The following TMEM117 variants were observed in gnomAD, a reference collection of about 807,000 sequenced individuals.
The protein encoded by TMEM117 is transmembrane protein 117.
TMEM117 carries 27 observed loss-of-function variants against 52.4 expected under a neutral mutation model. The ratio of observed to expected loss-of-function variants is 0.51; its 90% CI spans 0.38 to 0.71. The LOEUF (loss-of-function observed/expected upper bound fraction) is 0.71, where lower values mean the gene tolerates loss of function less well. Ranked by LOEUF, TMEM117 falls within the 30% of genes least tolerant of loss-of-function variation. The pLI is 0.00. For missense variants in TMEM117, 556 were observed against 630.5 expected (o/e 0.88, Z 1.26); for synonymous variants, 215 against 206.3 (o/e 1.04, Z -0.36).
the TMEM117 span, among the ~76,000 whole-genome samples, chr12:43,818,270 T>A: frequency 6.6e-6 from 1 of 152,190 alleles, no homozygotes; most frequent in South Asian, 2.1e-4. Context: ...AAAGTACATA[T>A]AAGTAAGTAC....
In TMEM117 at chr12:44,328,766, C is replaced by CA. The variant is rs1407904231; in HGVS notation, c.768+29034dup. Among the ~76,000 whole-genome samples the CA allele has an allele frequency of 2.0e-5, 3 of 151,786 alleles. No individual in the cohort carries two copies. The East Asian group carries it at 5.8e-4, about 29-fold the overall frequency. Reference sequence around the variant, plus strand: ...ATTACCAGGAAAGTCAGATACCATTCAAAAAAACCAATGTAATGCAGAAAA... The same window carrying CA: ...ATTACCAGGAAAGTCAGATACCATTCAAAAAAAACCAATGTAATGCAGAAAA... On this transcript the variant is annotated intron_variant, in intron 6 of 7. Coordinates refer to ENST00000266534, the MANE Select transcript of TMEM117 (RefSeq NM_032256.3).
intron 4 of TMEM117, among the ~76,000 whole-genome samples, chr12:44,198,182 T>C (rs1425825751): frequency 2.0e-5 from 3 of 152,322 alleles, no homozygotes; most frequent in Non-Finnish European, 4.4e-5. Flanking sequence ...AGACGGATCA[T>C]ATATGTATGT....
chr12:44,061,931 A>T (rs985141017), intron 3 of TMEM117, among the ~76,000 whole-genome samples: 2 of 152,144 alleles, frequency 1.3e-5, no homozygotes, highest in African/African-American at 4.8e-5. Context: ...GAGGCAGAGG[A>T]AAAAAGAGAA....
chr12:44,295,174 T>A (rs1592672939), intron 5 of TMEM117, among the ~76,000 whole-genome samples: 2 of 152,224 alleles, frequency 1.3e-5, no homozygotes, highest in South Asian at 4.1e-4. Flanking sequence ...ACCCATAGGT[T>A]AGTATGCTCT....
At chr12:44,212,434 G>A (rs1949658819) in intron 5 of TMEM117, among the ~76,000 whole-genome samples, 1 of 152,160 alleles carries the variant, frequency 6.6e-6, no homozygotes, top group African/African-American at 2.4e-5. Context: ...GGCAATTTGG[G>A]TTAAGCCAAA....
At chr12:44,227,904 A>G (rs1165506449) in intron 5 of TMEM117, among the ~76,000 whole-genome samples, 9 of 152,168 alleles carry the variant, frequency 5.9e-5, no homozygotes, top group African/African-American at 7.2e-5. Flanking sequence ...TGTGGCTACT[A>G]AATGTTTGTG....
At chr12:44,261,923 G>A (rs914670199) in intron 5 of TMEM117, among the ~76,000 whole-genome samples, 3 of 152,130 alleles carry the variant, frequency 2.0e-5, no homozygotes, top group African/African-American at 7.2e-5. Flanking sequence ...ATTGATTTGG[G>A]TATGAATTAC....
intron 5 of TMEM117, among the ~76,000 whole-genome samples, chr12:44,233,989 A>G (rs954514705): frequency 2.6e-5 from 4 of 151,502 alleles, no homozygotes; most frequent in Admixed American, 6.6e-5. Flanking sequence ...TACTCTCCAT[A>G]TATTGCTAGA....
intron 4 of TMEM117, among the ~76,000 whole-genome samples, chr12:44,185,612 A>G (rs1949266507): frequency 6.6e-6 from 1 of 152,128 alleles, no homozygotes; most frequent in South Asian, 2.1e-4. Flanking sequence ...TATACATATT[A>G]TTTAGCCATG....
At chr12:44,189,699 A>C (rs188040291) in intron 4 of TMEM117, among the ~76,000 whole-genome samples, 19 of 152,380 alleles carry the variant, frequency 1.2e-4, no homozygotes, top group Admixed American at 2.0e-4. Flanking sequence ...GGCAAAGTGA[A>C]GCAAGCAATA....
chr12:43,820,565 G>T, the TMEM117 span, among the ~76,000 whole-genome samples: 1 of 149,210 alleles, frequency 6.7e-6, no homozygotes, highest in Non-Finnish European at 1.5e-5. Flanking sequence ...GAGCCACCAC[G>T]CCTGGCCACA....
At chr12:44,220,423 A>C (rs1034045840) in intron 5 of TMEM117, among the ~76,000 whole-genome samples, 5 of 152,210 alleles carry the variant, frequency 3.3e-5, no homozygotes, top group Non-Finnish European at 7.3e-5. Flanking sequence ...AGCTTAATAC[A>C]TAGAAAGATG....
the TMEM117 span, chr12:43,797,269 A>G: frequency 6.5e-7 from 1 of 1,550,040 alleles, no homozygotes; most frequent in Non-Finnish European, 8.7e-7. Context: ...AAACAAACTG[A>G]AAGTAATGTG....
chr12:43,805,303 TAAAAC>T, the TMEM117 span, among the ~76,000 whole-genome samples: 247 of 152,306 alleles, frequency 1.6e-3, 1 homozygote, highest in Non-Finnish European at 2.7e-3. Context: ...TGCGGATAAA[TAAAAC>T]AAAGTTTTCA....
chr12:43,848,285 A>C (rs1943246174), intron 2 of TMEM117, among the ~76,000 whole-genome samples: 1 of 152,128 alleles, frequency 6.6e-6, no homozygotes, highest in African/African-American at 2.4e-5. Context: ...CCACAAATTT[A>C]CCAGGGTTGA....
chr12:43,949,582 G>A (rs1945187974), intron 3 of TMEM117, among the ~76,000 whole-genome samples: 1 of 152,152 alleles, frequency 6.6e-6, no homozygotes, highest in African/African-American at 2.4e-5. Context: ...AGATCTTGTC[G>A]GGAAGCTGCT....
intron 2 of TMEM117, among the ~76,000 whole-genome samples, chr12:43,922,935 G>A (rs1944719194): frequency 6.6e-6 from 1 of 152,098 alleles, no homozygotes; most frequent in Non-Finnish European, 1.5e-5. Flanking sequence ...ACTGTATACT[G>A]GAGAATCTGC....
intron 3 of TMEM117, among the ~76,000 whole-genome samples, chr12:44,068,806 C>T (rs1359018083): frequency 2.0e-5 from 3 of 152,176 alleles, no homozygotes; most frequent in African/African-American, 7.2e-5. Context: ...TGACAGATTG[C>T]TTGATTCAGG....
chr12:43,813,516 C>G, the TMEM117 span, among the ~76,000 whole-genome samples: 2 of 151,882 alleles, frequency 1.3e-5, no homozygotes, highest in African/African-American at 2.4e-5. Context: ...TGTGAGCCAC[C>G]ACACCTGGCC....
Sources: gnomAD v4.1 joint callset for allele counts (sites outside exome capture counted in the v4.1 genomes callset) on GRCh38, gnomAD v4.1.1 for gene constraint, MANE v1.5 for transcripts, NCBI Gene and HGNC (gene_info 2026-07-23, HGNC 2026-07-21) for gene names.